The following AGBL4 variants were observed in gnomAD, a reference collection of about 807,000 sequenced individuals.
AGBL4 encodes the protein AGBL carboxypeptidase 4.
In AGBL4, 58 loss-of-function variants were observed where a neutral mutation model predicts 66.4. The observed-to-expected ratio is 0.87, with a 90% confidence interval of 0.71 to 1.09. The LOEUF (loss-of-function observed/expected upper bound fraction) is 1.09, where lower values mean the gene tolerates loss of function less well. Among genes scored for constraint, AGBL4 ranks in the 50% least tolerant of loss-of-function variants. AGBL4 has a pLI of 0.00. For synonymous variants in AGBL4, 234 were observed against 222.9 expected, an observed-to-expected ratio of 1.05 and a Z score of -0.44; for missense variants, 579 against 631.0, an observed-to-expected ratio of 0.92 and a Z score of 0.88.
At chr1:48,635,141 C>T (rs1570083357) in intron 8 of AGBL4, among the ~76,000 whole-genome samples, 1 of 152,314 alleles carries the variant, frequency 6.6e-6, no homozygotes, top group Non-Finnish European at 1.5e-5. Context: ...TGCCTCCTCC[C>T]ACCTCACCTT....
chr1:49,576,840 A>G (rs1395705227), intron 3 of AGBL4, among the ~76,000 whole-genome samples: 2 of 152,188 alleles, frequency 1.3e-5, no homozygotes, highest in African/African-American at 2.4e-5. Flanking sequence ...CCTGGTTCTC[A>G]GGTGGTTCTG....
At chr1:49,738,113 C>T (rs932603695) in intron 2 of AGBL4, among the ~76,000 whole-genome samples, 3 of 152,222 alleles carry the variant, frequency 2.0e-5, no homozygotes, top group African/African-American at 7.2e-5. Context: ...CGAGGAATCC[C>T]CTCACCCGGG....
chr1:49,006,049 G>T (rs577103916), intron 5 of AGBL4, among the ~76,000 whole-genome samples: 4 of 152,118 alleles, frequency 2.6e-5, no homozygotes, highest in East Asian at 3.9e-4. Flanking sequence ...GGAACAGCTC[G>T]GGTCTACAGC....
In AGBL4 at chr1:48,781,997, G is replaced by T. The variant is rs182466885; in HGVS notation, c.634+85194C>A. Among the ~76,000 whole-genome samples the T allele has an allele frequency of 5.9e-5, 9 of 152,346 alleles. No homozygotes were observed. In the East Asian group the frequency reaches 1.7e-3, roughly 29 times the overall value. On this transcript the variant is annotated intron_variant, in intron 6 of 13. Coordinates refer to ENST00000371839, the MANE Select transcript of AGBL4 (RefSeq NM_032785.4). ...ACTTCACACCAAATTCTTCAGGTGG[G>T]TGTTATTAAACACATGATAGAGTTG... is the stretch of plus-strand genomic sequence containing the variant.
chr1:48,845,689 G>C (rs1017936173), intron 6 of AGBL4, among the ~76,000 whole-genome samples: 2 of 152,146 alleles, frequency 1.3e-5, no homozygotes, highest in African/African-American at 2.4e-5. Context: ...TAATTTTTAA[G>C]TAAAGAGCAT....
At chr1:49,557,761 G>A (rs1643938889) in intron 3 of AGBL4, among the ~76,000 whole-genome samples, 1 of 152,028 alleles carries the variant, frequency 6.6e-6, no homozygotes, top group South Asian at 2.1e-4. Flanking sequence ...CAGAGACAGT[G>A]AACTGGGGAA....
At chr1:49,479,274 C>A (rs1570817338) in intron 3 of AGBL4, among the ~76,000 whole-genome samples, 1 of 151,764 alleles carries the variant, frequency 6.6e-6, no homozygotes, top group Non-Finnish European at 1.5e-5. Flanking sequence ...ACTACAAATA[C>A]AATGAAATAT....
intron 3 of AGBL4, among the ~76,000 whole-genome samples, chr1:49,290,727 G>A (rs898557923): frequency 2.6e-5 from 4 of 152,266 alleles, no homozygotes; most frequent in African/African-American, 9.6e-5. Flanking sequence ...ACTCTGGCCT[G>A]GCATAGATGC....
At chr1:49,924,526 A>T (rs1002986247) in intron 1 of AGBL4, among the ~76,000 whole-genome samples, 5 of 152,094 alleles carry the variant, frequency 3.3e-5, no homozygotes, top group African/African-American at 1.2e-4. Flanking sequence ...TATTTATTTG[A>T]TTGATTAGGT....
chr1:49,728,857 C>G (rs903562538), intron 2 of AGBL4, among the ~76,000 whole-genome samples: 1 of 152,170 alleles, frequency 6.6e-6, no homozygotes. Flanking sequence ...CAGGCTTGTA[C>G]TCTCAAATGA....
intron 2 of AGBL4, among the ~76,000 whole-genome samples, chr1:49,790,194 C>T (rs1644560155): frequency 6.6e-6 from 1 of 151,748 alleles, no homozygotes; most frequent in South Asian, 2.1e-4. Context: ...CTGCCCTCAC[C>T]CCCTACTAAA....
chr1:49,168,135 G>A (rs778067141), intron 4 of AGBL4, among the ~76,000 whole-genome samples: 33 of 152,056 alleles, frequency 2.2e-4, no homozygotes, highest in Non-Finnish European at 3.8e-4. Context: ...CTCCTGGAAC[G>A]AATACCTAAG....
At chr1:49,380,879 A>T (rs1317808107) in intron 3 of AGBL4, among the ~76,000 whole-genome samples, 7 of 152,212 alleles carry the variant, frequency 4.6e-5, no homozygotes, top group Admixed American at 1.3e-4. Context: ...TTAGACCTAA[A>T]ACCATAAAAA....
chr1:48,801,981 C>T (rs1197106596), intron 6 of AGBL4, among the ~76,000 whole-genome samples: 1 of 151,790 alleles, frequency 6.6e-6, no homozygotes, highest in Non-Finnish European at 1.5e-5. Context: ...CACTTTCTAA[C>T]ATCGTCTTCC....
At chr1:49,146,547 G>A (rs895748871) in intron 4 of AGBL4, among the ~76,000 whole-genome samples, 5 of 152,180 alleles carry the variant, frequency 3.3e-5, no homozygotes, top group East Asian at 1.9e-4. Context: ...TGGTTGAAAC[G>A]GAAAACACCT....
intron 4 of AGBL4, among the ~76,000 whole-genome samples, chr1:49,050,624 C>CT (rs1281286547): frequency 6.6e-6 from 1 of 151,932 alleles, no homozygotes; most frequent in African/African-American, 2.4e-5. Flanking sequence ...TATTCCTTGC[C>CT]TTTTTAAATG....
chr1:49,732,035 T>TG (rs1220644845), intron 2 of AGBL4, among the ~76,000 whole-genome samples: 1 of 152,180 alleles, frequency 6.6e-6, no homozygotes, highest in Non-Finnish European at 1.5e-5. Flanking sequence ...CCTACAGTAA[T>TG]TTTTCTGCCA....
At chr1:49,856,643 T>C (rs1314384933) in intron 1 of AGBL4, among the ~76,000 whole-genome samples, 1 of 152,082 alleles carries the variant, frequency 6.6e-6, no homozygotes, top group Non-Finnish European at 1.5e-5. Flanking sequence ...ATCACCTTAA[T>C]AGATAAAGAA....
At chr1:49,241,591 A>C (rs1477233353) in intron 4 of AGBL4, among the ~76,000 whole-genome samples, 1 of 152,062 alleles carries the variant, frequency 6.6e-6, no homozygotes, top group Non-Finnish European at 1.5e-5. Flanking sequence ...AGTAGACTAT[A>C]AGCTATGAGA....
Sources: allele counts gnomAD v4.1 joint callset (sites outside exome capture counted in the v4.1 genomes callset), GRCh38; gene constraint gnomAD v4.1.1; transcripts MANE v1.5; gene names NCBI Gene and HGNC (gene_info 2026-07-23, HGNC 2026-07-21).